Variants in CNTNAP5 observed in about 807,000 individuals in gnomAD.
The protein encoded by CNTNAP5 is contactin associated protein family member 5, also known as contactin-associated protein-like 5.
CNTNAP5 carries 72 observed loss-of-function variants against 150.2 expected under a neutral mutation model. The observed-to-expected ratio is 0.48, with a 90% CI of 0.40 to 0.58. CNTNAP5 has a LOEUF of 0.58. Ranked by LOEUF, CNTNAP5 falls within the 20% of genes least tolerant of loss-of-function variation. The pLI, the probability that CNTNAP5 is intolerant of heterozygous loss-of-function variation, is 0.00. For synonymous variants in CNTNAP5, 672 were observed against 619.8 expected, an observed-to-expected ratio of 1.08 and a Z score of -1.25; for missense variants, 1,636 against 1,626.2, an observed-to-expected ratio of 1.01 and a Z score of -0.10.
At chr2:124,030,747 C>G (rs1172491663) in intron 1 of CNTNAP5, among the ~76,000 whole-genome samples, 1 of 152,026 alleles carries the variant, frequency 6.6e-6, no homozygotes, top group African/African-American at 2.4e-5. Flanking sequence ...GCACTTGATG[C>G]TTTATTTTTT....
Position 124,903,107 on chromosome 2 carries a change from T to G in CNTNAP5, c.3655+7T>G. ...ACGGTGCATTCTTCATCAGGTACAC[T>G]CAAGAGCATGCACAAGGGAGCTTCT... On this transcript the variant is annotated splice_region_variant and intron_variant, in intron 22 of 23. Coordinates refer to ENST00000682447, the MANE Select transcript of CNTNAP5 (RefSeq NM_001367498.1). The G allele has an allele frequency of 6.6e-7, 1 of 1,520,520 alleles. No individual in the cohort carries two copies. Among genetic ancestry groups the G allele is most frequent in the South Asian group, 1.2e-5 (1 of 81,024 alleles). 94.2% of individuals were successfully genotyped at this position (1,520,520 alleles called of 1,614,324 possible). A position where few individuals can be genotyped will look rare whatever the true frequency, so the allele number is the denominator to read the frequency against.
rs535125700 is a variant in CNTNAP5 at position 124,439,595 on chromosome 2, AG to A, written c.733+4910del. On this transcript the variant is annotated intron_variant, in intron 5 of 23. Transcript: ENST00000682447. Reference sequence around the variant, plus strand: ...CAATCTAGAAATTTCTTAACAGCTAAGGACATGTGTTTCATTGCTTTAGAGA... The same window carrying A: ...CAATCTAGAAATTTCTTAACAGCTAAGACATGTGTTTCATTGCTTTAGAGA... Among the ~76,000 whole-genome samples the A allele has an allele frequency of 9.8e-5, 15 of 152,296 alleles. No homozygotes were observed. In the South Asian group the frequency reaches 3.1e-3, roughly 32 times the overall value.
At chr2:124,725,779 T>G (rs1279228259) in intron 13 of CNTNAP5, among the ~76,000 whole-genome samples, 1 of 151,988 alleles carries the variant, frequency 6.6e-6, no homozygotes, top group Non-Finnish European at 1.5e-5. Context: ...GAATTCAAAT[T>G]TTTAGGTTCC....
At chr2:124,621,200 T>C (rs1677607327) in intron 12 of CNTNAP5, among the ~76,000 whole-genome samples, 1 of 152,192 alleles carries the variant, frequency 6.6e-6, no homozygotes, top group African/African-American at 2.4e-5. Flanking sequence ...TGTTTTTCCT[T>C]TGTACAGTAC....
intron 13 of CNTNAP5, among the ~76,000 whole-genome samples, chr2:124,710,178 G>A (rs1210187821): frequency 2.0e-5 from 3 of 152,124 alleles, no homozygotes; most frequent in Non-Finnish European, 2.9e-5. Context: ...TGGTTAGTGG[G>A]AATGTGGGAC....
chr2:124,145,811 T>TAAAAAAAAAAAAAAAAAA (rs761766577), intron 1 of CNTNAP5, among the ~76,000 whole-genome samples: 1 of 12,790 alleles, frequency 7.8e-5, no homozygotes, highest in Non-Finnish European at 1.4e-4. Flanking sequence ...AAAAAAAACA[T>TAAAAAAAAAAAAAAAAAA]TAAAAAAAAA....
chr2:124,848,884 AT>A (rs369698561), intron 19 of CNTNAP5, among the ~76,000 whole-genome samples: 2 of 152,098 alleles, frequency 1.3e-5, no homozygotes, highest in Middle Eastern at 3.2e-3. Context: ...TATATTTTGG[AT>A]ATTAAATCCC....
At chr2:124,824,737 G>T (rs1313721260) in intron 19 of CNTNAP5, among the ~76,000 whole-genome samples, 1 of 152,140 alleles carries the variant, frequency 6.6e-6, no homozygotes, top group Non-Finnish European at 1.5e-5. Flanking sequence ...TCTGCCTGGG[G>T]TAGTAAAACA....
chr2:124,711,261 A>T (rs1331059611), intron 13 of CNTNAP5, among the ~76,000 whole-genome samples: 1 of 151,190 alleles, frequency 6.6e-6, no homozygotes, highest in Non-Finnish European at 1.5e-5. Flanking sequence ...ATAGAGTGAG[A>T]TCCCATCTCA....
chr2:124,175,528 A>G (rs923481379), intron 1 of CNTNAP5, among the ~76,000 whole-genome samples: 9 of 152,240 alleles, frequency 5.9e-5, no homozygotes, highest in African/African-American at 2.2e-4. Flanking sequence ...TTTGGGGTAC[A>G]TATGGTTCCA....
intron 1 of CNTNAP5, among the ~76,000 whole-genome samples, chr2:124,171,198 C>CT (rs1684924657): frequency 6.6e-6 from 1 of 152,172 alleles, no homozygotes; most frequent in African/African-American, 2.4e-5. Flanking sequence ...CCTGTTGGCT[C>CT]TCCTGTCCTC....
chr2:124,886,623 G>T (rs886242367), intron 21 of CNTNAP5, among the ~76,000 whole-genome samples: 1 of 152,116 alleles, frequency 6.6e-6, no homozygotes, highest in Non-Finnish European at 1.5e-5. Flanking sequence ...TTTCTGGGCT[G>T]CAAGCAAACC....
chr2:124,194,844 C>T (rs533598427), intron 1 of CNTNAP5, among the ~76,000 whole-genome samples: 83 of 151,638 alleles, frequency 5.5e-4, no homozygotes, highest in Non-Finnish European at 7.2e-4. Flanking sequence ...TCTAAAAAAA[C>T]GTTTCTTTTG....
At chr2:124,902,052 T>C (rs1211287261) in intron 21 of CNTNAP5, among the ~76,000 whole-genome samples, 1 of 152,104 alleles carries the variant, frequency 6.6e-6, no homozygotes, top group African/African-American at 2.4e-5. Flanking sequence ...GTGAAGACTA[T>C]TACACCTTAG....
At chr2:124,321,151 G>A (rs1179812089) in intron 3 of CNTNAP5, among the ~76,000 whole-genome samples, 1 of 152,148 alleles carries the variant, frequency 6.6e-6, no homozygotes, top group African/African-American at 2.4e-5. Context: ...TAAAAATAAA[G>A]AAAAGGATTA....
intron 3 of CNTNAP5, among the ~76,000 whole-genome samples, chr2:124,367,519 T>C (rs1474122150): frequency 6.6e-6 from 1 of 152,076 alleles, no homozygotes; most frequent in Non-Finnish European, 1.5e-5. Flanking sequence ...ACACATGGGA[T>C]TATGGGAAAT....
At chr2:124,790,208 T>C in intron 18 of CNTNAP5, 67 bp downstream of exon 18, 2 of 1,470,224 alleles carry the variant, frequency 1.4e-6, no homozygotes, top group Non-Finnish European at 1.8e-6. Flanking sequence ...GGTCAGGCCA[T>C]GTGATACTCA....
At chr2:124,842,374 T>C (rs183135488) in intron 19 of CNTNAP5, among the ~76,000 whole-genome samples, 177 of 152,264 alleles carry the variant, frequency 1.2e-3, no homozygotes, top group African/African-American at 4.2e-3. Context: ...AGGAACCTGT[T>C]TGATTTTGCT....
chr2:124,752,561 G>T (rs189146389), intron 14 of CNTNAP5, among the ~76,000 whole-genome samples: 1 of 152,140 alleles, frequency 6.6e-6, no homozygotes, highest in Non-Finnish European at 1.5e-5. Context: ...TTAACTACCC[G>T]TCGGAATTAG....
Sources: gnomAD v4.1 joint callset for allele counts (sites outside exome capture counted in the v4.1 genomes callset) on GRCh38, gnomAD v4.1.1 for gene constraint, MANE v1.5 for transcripts, NCBI Gene and HGNC (gene_info 2026-07-23, HGNC 2026-07-21) for gene names.